The following YME1L1 variants were observed in gnomAD, a reference collection of about 807,000 sequenced individuals.
The protein encoded by YME1L1 is YME1 like 1 ATPase.
YME1L1 carries 39 observed loss-of-function variants against 90.4 expected under a neutral mutation model. The ratio of observed to expected loss-of-function variants is 0.43; its 90% confidence interval spans 0.33 to 0.56. The LOEUF (loss-of-function observed/expected upper bound fraction) is 0.56, where lower values mean the gene tolerates loss of function less well. Ranked by LOEUF, YME1L1 falls within the 20% of genes least tolerant of loss-of-function variation. YME1L1 has a pLI of 0.03. For missense variants in YME1L1, 617 were observed against 868.4 expected (o/e 0.71, Z 3.64); for synonymous variants, 284 against 287.3 (o/e 0.99, Z 0.12).
intron 1 of YME1L1, among the ~76,000 whole-genome samples, chr10:27,151,287 C>T (rs2057212376): frequency 6.6e-6 from 1 of 152,196 alleles, no homozygotes; most frequent in Non-Finnish European, 1.5e-5. Flanking sequence ...GGCCCACTTC[C>T]AGTAAAAATT....
At chr10:27,144,716 C>G (rs1292510758) in intron 3 of YME1L1, among the ~76,000 whole-genome samples, 1 of 152,178 alleles carries the variant, frequency 6.6e-6, no homozygotes, top group Non-Finnish European at 1.5e-5. Context: ...AACGCCCCCC[C>G]ATTCTGCTAA....
intron 3 of YME1L1, 90 bp downstream of exon 3, chr10:27,145,338 A>G (rs1402556621): frequency 1.7e-6 from 2 of 1,169,820 alleles, no homozygotes; most frequent in Non-Finnish European, 2.3e-6. Flanking sequence ...CCAGCCCACA[A>G]TAAACGCTAC....
At chr10:27,121,593 T>C (rs989801004) in intron 11 of YME1L1, 145 bp from the exon 12 acceptor site, 1 of 584,368 alleles carries the variant, frequency 1.7e-6, no homozygotes, top group Non-Finnish European at 3.1e-6. Flanking sequence ...AGTATGATCA[T>C]AGCTCACTGC....
At chr10:27,117,393 C>T (rs1356262773) in intron 15 of YME1L1, among the ~76,000 whole-genome samples, 183 bp downstream of exon 15, 1 of 152,100 alleles carries the variant, frequency 6.6e-6, no homozygotes, top group Non-Finnish European at 1.5e-5. Flanking sequence ...CATGGTGAAA[C>T]CCCATCTCTA....
intron 8 of YME1L1, among the ~76,000 whole-genome samples, chr10:27,130,714 G>C (rs1041324715): frequency 5.9e-5 from 9 of 152,152 alleles, no homozygotes; most frequent in Non-Finnish European, 1.5e-5. Flanking sequence ...TTAGCTGGGC[G>C]TGGTGGCTCG....
chr10:27,128,107 A>G (rs2135863991), intron 8 of YME1L1, among the ~76,000 whole-genome samples: 1 of 152,330 alleles, frequency 6.6e-6, no homozygotes, highest in East Asian at 1.9e-4. Context: ...AATGGGATCA[A>G]GGTAATGAAT....
At position 27,135,934 on chromosome 10, in the gene YME1L1, T is replaced by C. The variant is rs190862494; in HGVS notation, c.540+342A>G. 5.4e-3 allele frequency among the ~76,000 whole-genome samples: 825 copies of C among 152,204 alleles called. 9 individuals carry two copies. Among genetic ancestry groups the C allele is most frequent in the South Asian group, 0.023 (109 of 4,814 alleles). ...ACAGATGTAAGAAATATTTAGGAGGTTGGATCAACAGGACTTTAGTGGTTA... is the reference window on the plus strand; with the variant it reads ...ACAGATGTAAGAAATATTTAGGAGGCTGGATCAACAGGACTTTAGTGGTTA... On this transcript the variant is annotated intron_variant, in intron 5 of 18. Transcript: ENST00000376016.
At chr10:27,125,641 ATTT>A (rs199852948) in intron 9 of YME1L1, among the ~76,000 whole-genome samples, 4 of 134,172 alleles carry the variant, frequency 3.0e-5, no homozygotes, top group Non-Finnish European at 6.4e-5. Context: ...TAAATGTCCT[ATTT>A]TTTTTTTTTT....
chr10:27,115,965 A>C, intron 17 of YME1L1, 95 bp downstream of exon 17: 1 of 1,128,386 alleles, frequency 8.9e-7, no homozygotes, highest in Non-Finnish European at 1.3e-6. Context: ...AGTGAGAGAA[A>C]AAGTGAATAT....
chr10:27,116,134 CTAAAA>C lies in YME1L1; in HGVS notation c.1847-6_1847-2del, dbSNP rs1285491986. 1.9e-6 allele frequency: 3 copies of C among 1,613,568 alleles called. No individual in the cohort carries two copies. The highest frequency in any genetic ancestry group is 1.1e-5 in the South Asian group (1 of 90,964). ...GCATTATCAAAATCACTGGAAGCAC[CTAAAA>C]TAAAATAAAAACATACCATTTTAAA... On this transcript the variant is annotated splice_acceptor_variant and splice_polypyrimidine_tract_variant and intron_variant, in intron 16 of 18. Coordinates refer to ENST00000376016, the MANE Select transcript of YME1L1 (RefSeq NM_014263.4). LOFTEE classifies it high-confidence loss of function.
rs1355649527 is a variant in YME1L1 at position 27,114,533 on chromosome 10, T to A, written c.1995A>T (p.Arg665Ser). 6.2e-7 allele frequency: 1 copy of A among 1,613,520 alleles called. No homozygotes were observed. ...ETQSAIEQEI[R>S]ILLRDSYERA... ...AAAATATTATTACCCTTAGAAGGAT[T>A]CTTATTTCTTGTTCGATGGCAGATT... Residue 665 changes from arginine to serine, a missense_variant, in exon 18 of 19, where the codon AGA becomes AGT. By Grantham distance (110) the Arg-to-Ser change is moderately radical. This residue lies in a region of YME1L1 where 212 missense variants were observed against 330.0 expected (regional missense o/e 0.64). Transcript: ENST00000376016.
chr10:27,136,464 A>G, intron 4 of YME1L1, 79 bp from the exon 5 acceptor site: 1 of 1,144,594 alleles, frequency 8.7e-7, no homozygotes, highest in Non-Finnish European at 1.3e-6. Context: ...AAAGTCTGAC[A>G]CCCTACCTGT....
At chr10:27,115,470 C>A (rs2056803551) in intron 17 of YME1L1, among the ~76,000 whole-genome samples, 1 of 151,804 alleles carries the variant, frequency 6.6e-6, no homozygotes, top group East Asian at 1.9e-4. Context: ...CACCACCATA[C>A]CTGGCTAATT....
chr10:27,113,436 C>T (rs371325861), intron 18 of YME1L1, among the ~76,000 whole-genome samples: 23 of 151,228 alleles, frequency 1.5e-4, no homozygotes, highest in East Asian at 1.4e-3. Context: ...TTTGGGAGGC[C>T]GAGGTGGGTG....
intron 1 of YME1L1, chr10:27,153,347 A>G: frequency 2.3e-6 from 1 of 443,884 alleles, no homozygotes; most frequent in South Asian, 1.6e-5. Context: ...GAACACAATC[A>G]TATGCTTAAA....
At chr10:27,113,799 G>A (rs2056784663) in intron 18 of YME1L1, among the ~76,000 whole-genome samples, 1 of 151,396 alleles carries the variant, frequency 6.6e-6, no homozygotes, top group Non-Finnish European at 1.5e-5. Context: ...AGTCCAGCCT[G>A]GGCAATATAG....
intron 3 of YME1L1, among the ~76,000 whole-genome samples, chr10:27,144,715 C>G (rs562351498): frequency 6.6e-6 from 1 of 152,218 alleles, no homozygotes; most frequent in South Asian, 2.1e-4. Context: ...CAACGCCCCC[C>G]CATTCTGCTA....
At chr10:27,148,055 T>C (rs182746242) in intron 2 of YME1L1, among the ~76,000 whole-genome samples, 2 of 152,268 alleles carry the variant, frequency 1.3e-5, no homozygotes, top group African/African-American at 4.8e-5. Flanking sequence ...ATCTCAGCCC[T>C]AGAAGTATGA....
At chr10:27,128,448 T>C (rs2056942456) in intron 8 of YME1L1, among the ~76,000 whole-genome samples, 1 of 152,068 alleles carries the variant, frequency 6.6e-6, no homozygotes, top group Non-Finnish European at 1.5e-5. Context: ...AATCCCCACA[T>C]TCCAGGACAG....
Sources: gnomAD v4.1 joint callset for allele counts (sites outside exome capture counted in the v4.1 genomes callset) on GRCh38, gnomAD v4.1.1 for gene constraint, gnomAD v4.1.1 regional missense constraint, MANE v1.5 for transcripts, NCBI Gene and HGNC (gene_info 2026-07-23, HGNC 2026-07-21) for gene names.